KIF26B: variants seen among roughly 807,000 people sequenced by gnomAD.
KIF26B encodes kinesin-like protein KIF26B.
A neutral mutation model predicts 151.2 loss-of-function variants in KIF26B; 63 were observed. The observed-to-expected ratio is 0.42, with a 90% CI of 0.34 to 0.51. The LOEUF (loss-of-function observed/expected upper bound fraction) is 0.51. Among genes scored for constraint, KIF26B ranks in the 20% least tolerant of loss-of-function variants. The pLI is 0.07. For missense variants in KIF26B, 2,813 were observed against 2,913.6 expected, an observed-to-expected ratio of 0.97 and a Z score of 0.79; for synonymous variants, 1,357 against 1,262.1, an observed-to-expected ratio of 1.08 and a Z score of -1.59.
chr1:245,213,071 G>C (rs1669576546), intron 2 of KIF26B, among the ~76,000 whole-genome samples: 1 of 152,190 alleles, frequency 6.6e-6, no homozygotes, highest in Non-Finnish European at 1.5e-5. Context: ...CCCTAAGGTA[G>C]CCAGAGTGCT....
intron 2 of KIF26B, among the ~76,000 whole-genome samples, chr1:245,265,829 A>C (rs964565126): frequency 6.6e-6 from 1 of 152,122 alleles, no homozygotes; most frequent in African/African-American, 2.4e-5. Flanking sequence ...GCTGGTTTCG[A>C]ACTCCTGAGC....
At position 245,444,419 on chromosome 1, in the gene KIF26B, C is replaced by A. The variant is rs368830683; in HGVS notation, c.1166+24674C>A. 2.4e-3 allele frequency among the ~76,000 whole-genome samples: 362 copies of A among 152,006 alleles called. 4 individuals carry two copies. The highest frequency in any genetic ancestry group is 0.01 in the Middle Eastern group (3 of 290). Reference sequence around the variant, plus strand: ...GGGTCTGGGCTAAGCAGCAGCGTGGCGACCTACACCCGCCCCTCCTCCGTA... The same window carrying A: ...GGGTCTGGGCTAAGCAGCAGCGTGGAGACCTACACCCGCCCCTCCTCCGTA... On this transcript the variant is annotated intron_variant, in intron 4 of 14. Coordinates refer to ENST00000407071, the MANE Select transcript of KIF26B (RefSeq NM_018012.4).
chr1:245,415,591 T>G (rs1674397028), intron 3 of KIF26B, among the ~76,000 whole-genome samples: 2 of 152,104 alleles, frequency 1.3e-5, no homozygotes, highest in Admixed American at 1.3e-4. Context: ...TGGATATGAT[T>G]GTAATTGTTG....
At chr1:245,675,004 G>A (rs1036086471) in intron 10 of KIF26B, among the ~76,000 whole-genome samples, 1 of 152,172 alleles carries the variant, frequency 6.6e-6, no homozygotes, top group Non-Finnish European at 1.5e-5. Context: ...CCTCAGGCTC[G>A]TAATTCTCTA....
At chr1:245,246,910 C>T (rs1670342798) in intron 2 of KIF26B, among the ~76,000 whole-genome samples, 1 of 149,484 alleles carries the variant, frequency 6.7e-6, no homozygotes. Context: ...CACACACAGA[C>T]ACAGACACAC....
At chr1:245,652,647 C>G (rs150398103) in intron 10 of KIF26B, among the ~76,000 whole-genome samples, 40 of 152,276 alleles carry the variant, frequency 2.6e-4, no homozygotes, top group African/African-American at 9.1e-4. Context: ...GAAATGACAC[C>G]GTCTGGGGAT....
intron 2 of KIF26B, among the ~76,000 whole-genome samples, chr1:245,349,565 A>G (rs1328288789): frequency 1.3e-5 from 2 of 150,914 alleles, no homozygotes; most frequent in Non-Finnish European, 3.0e-5. Flanking sequence ...ACTTCAAAAA[A>G]AAAAAAAAAA....
At chr1:245,330,576 G>C (rs1357784729) in intron 2 of KIF26B, among the ~76,000 whole-genome samples, 1 of 7,030 alleles carries the variant, frequency 1.4e-4, no homozygotes, top group South Asian at 2.6e-3. Flanking sequence ...AGTGGAGGGA[G>C]AGTGGGGGAG....
At chr1:245,189,911 AAG>A (rs1324322321) in intron 2 of KIF26B, among the ~76,000 whole-genome samples, 8 of 152,206 alleles carry the variant, frequency 5.3e-5, no homozygotes, top group Admixed American at 3.3e-4. Context: ...ACAAGAGAGA[AAG>A]AGAGTGAAGT....
chr1:245,601,564 A>G lies in KIF26B; in HGVS notation c.1351-1013A>G, dbSNP rs1464006109. Among the ~76,000 whole-genome samples the G allele has an allele frequency of 6.6e-6, 1 of 152,212 alleles. No individual in the cohort carries two copies. The highest frequency in any genetic ancestry group is 1.5e-5 in the Non-Finnish European group (1 of 68,054). On this transcript the variant is annotated intron_variant, in intron 5 of 14. Transcript: ENST00000407071. The surrounding 1 kb of genome is among the most constrained non-coding windows in gnomAD (Gnocchi z 4.4). ...TGTGCATACCTTCCGAAGTTGCCAC[A>G]TATTACTAAAATTACCTGTATCTGT...
At chr1:245,611,211 C>T (rs946055456) in intron 8 of KIF26B, among the ~76,000 whole-genome samples, 51 of 152,116 alleles carry the variant, frequency 3.4e-4, no homozygotes, top group Non-Finnish European at 6.6e-4. Context: ...TTTGAGGGTG[C>T]CCTTTACACT....
At chr1:245,402,155 G>A (rs1479839898) in intron 3 of KIF26B, among the ~76,000 whole-genome samples, 1 of 152,174 alleles carries the variant, frequency 6.6e-6, no homozygotes, top group Non-Finnish European at 1.5e-5. Flanking sequence ...TAGCTGTGGA[G>A]TATTCTAATT....
intron 9 of KIF26B, among the ~76,000 whole-genome samples, chr1:245,624,584 ATCT>A (rs1028500637): frequency 6.6e-6 from 1 of 152,192 alleles, no homozygotes; most frequent in Admixed American, 6.5e-5. Context: ...GTCCCTTCAA[ATCT>A]TCTGTCCTTT....
rs78672647 is a variant in KIF26B at position 245,164,676 on chromosome 1, G to A, written c.465+7993G>A. The stretch of plus-strand genomic sequence containing the variant: ...CAGGCTGGAAAGGAGGCAGATGGAG[G>A]ATGAAAGGCCTTGTAGGCTATAGGC... On this transcript the variant is annotated intron_variant, in intron 2 of 14. Transcript: ENST00000407071. Among the ~76,000 whole-genome samples the A allele has an allele frequency of 3.8e-3, 574 of 152,350 alleles. 3 individuals are homozygous for A. Among genetic ancestry groups the A allele is most frequent in the African/African-American group, 0.013 (546 of 41,584 alleles).
At position 245,597,004 on chromosome 1, in the gene KIF26B, TC is replaced by T. The variant is rs1431406266; in HGVS notation, c.1351-5570del. Among the ~76,000 whole-genome samples the T allele has an allele frequency of 6.6e-6, 1 of 152,184 alleles. No homozygotes were observed. The highest frequency in any genetic ancestry group is 1.5e-5 in the Non-Finnish European group (1 of 68,024). ...CATTTGCTTGGTAAATCTTCCTCCA[TC>T]CCTTTATTTTGAGGCTATGTGTGAC... On this transcript the variant is annotated intron_variant, in intron 5 of 14. Transcript: ENST00000407071. The surrounding 1 kb of genome is among the most constrained non-coding windows in gnomAD (Gnocchi z 4.6).
intron 5 of KIF26B, among the ~76,000 whole-genome samples, chr1:245,582,759 C>G (rs1026092573): frequency 3.9e-5 from 6 of 152,200 alleles, no homozygotes; most frequent in Admixed American, 2.0e-4. Flanking sequence ...CTAGGGAAGC[C>G]TTTTGCTCCT....
intron 10 of KIF26B, among the ~76,000 whole-genome samples, chr1:245,653,291 G>T (rs1366972867): frequency 2.0e-5 from 3 of 152,282 alleles, no homozygotes; most frequent in Admixed American, 2.0e-4. Flanking sequence ...TCTTGCTAAA[G>T]GGGTAGAAGT....
chr1:245,455,312 T>TG (rs1659492630), intron 4 of KIF26B, among the ~76,000 whole-genome samples: 1 of 152,162 alleles, frequency 6.6e-6, no homozygotes, highest in African/African-American at 2.4e-5. Flanking sequence ...GAGACCATCC[T>TG]GGCCAACATG....
intron 4 of KIF26B, among the ~76,000 whole-genome samples, chr1:245,464,407 A>T (rs1022620457): frequency 8.1e-5 from 7 of 86,720 alleles, no homozygotes; most frequent in Non-Finnish European, 1.7e-4. Flanking sequence ...GTGTGTGCGT[A>T]TGTGGGGGTG....
Sources: allele counts gnomAD v4.1 joint callset (sites outside exome capture counted in the v4.1 genomes callset), GRCh38; gene constraint gnomAD v4.1.1; non-coding constraint Gnocchi (gnomAD v3.1); transcripts MANE v1.5; gene names NCBI Gene and HGNC (gene_info 2026-07-23, HGNC 2026-07-21).